Variants in CNTNAP5 observed in about 807,000 individuals in gnomAD.
CNTNAP5 encodes the protein contactin-associated protein-like 5.
Under a neutral mutation model 150.2 loss-of-function variants are expected in CNTNAP5, and 72 were observed. The ratio of observed to expected loss-of-function variants is 0.48; its 90% CI spans 0.40 to 0.58. The LOEUF is 0.58. CNTNAP5 is among the 20% of genes least tolerant of loss of function. The probability of loss-of-function intolerance (pLI) is 0.00; values close to 1 mark genes in which losing one functional copy is unlikely to be tolerated. For synonymous variants in CNTNAP5, 672 were observed against 619.8 expected (o/e 1.08, Z -1.25); for missense variants, 1,636 against 1,626.2 (o/e 1.01, Z -0.10).
At chr2:124,843,308 C>T (rs1277098150) in intron 19 of CNTNAP5, among the ~76,000 whole-genome samples, 1 of 151,774 alleles carries the variant, frequency 6.6e-6, no homozygotes. Context: ...TGGGCTGGTT[C>T]TGTATTTTTG....
intron 18 of CNTNAP5, among the ~76,000 whole-genome samples, chr2:124,792,413 AT>A: frequency 6.6e-6 from 1 of 152,116 alleles, no homozygotes; most frequent in South Asian, 2.1e-4. Flanking sequence ...TTTTTGGTTC[AT>A]TTTTTCTTTA....
chr2:124,384,851 C>T (rs1490359721), intron 3 of CNTNAP5, among the ~76,000 whole-genome samples: 1 of 152,170 alleles, frequency 6.6e-6, no homozygotes, highest in East Asian at 1.9e-4. Context: ...GTGCCAAGCC[C>T]TTTCTTTTGT....
intron 1 of CNTNAP5, among the ~76,000 whole-genome samples, chr2:124,184,651 T>C (rs1573818705): frequency 6.6e-6 from 1 of 152,288 alleles, no homozygotes; most frequent in Admixed American, 6.5e-5. Context: ...GCATTCACCC[T>C]TTGAGTCACA....
chr2:124,793,957 A>G (rs1681790733), intron 18 of CNTNAP5, among the ~76,000 whole-genome samples: 1 of 152,222 alleles, frequency 6.6e-6, no homozygotes, highest in South Asian at 2.1e-4. Context: ...TAAGTACTCA[A>G]AAATAATCAT....
At chr2:124,855,067 A>C (rs1259155798) in intron 19 of CNTNAP5, among the ~76,000 whole-genome samples, 1 of 152,110 alleles carries the variant, frequency 6.6e-6, no homozygotes, top group Non-Finnish European at 1.5e-5. Flanking sequence ...AAGATATAAT[A>C]ATACATACAT....
rs372174485 is a variant in CNTNAP5 at position 124,386,013 on chromosome 2, ATGAG to A, written c.382-31420_382-31417del. ...ACATCGATGTTTGTTGAATGAATTA[ATGAG>A]TGAGTGAGTAAGTGAACTGCCCAGG... On this transcript the variant is annotated intron_variant, in intron 3 of 23. Transcript: ENST00000682447. Among the ~76,000 whole-genome samples, 192 of 152,280 alleles carry A rather than the reference ATGAG, an allele frequency of 1.3e-3. 2 individuals carry two copies. Among genetic ancestry groups the A allele is most frequent in the African/African-American group, 4.4e-3 (184 of 41,558 alleles).
chr2:124,754,669 C>T (rs976949840), intron 14 of CNTNAP5, among the ~76,000 whole-genome samples: 4 of 152,104 alleles, frequency 2.6e-5, no homozygotes, highest in Non-Finnish European at 4.4e-5. Flanking sequence ...GCTAATGTTC[C>T]CATGACTGGG....
chr2:124,146,679 G>A (rs1351519349), intron 1 of CNTNAP5, among the ~76,000 whole-genome samples: 2 of 152,076 alleles, frequency 1.3e-5, no homozygotes, highest in Non-Finnish European at 2.9e-5. Context: ...TAAATAAAGA[G>A]TAGATAAGAA....
intron 1 of CNTNAP5, among the ~76,000 whole-genome samples, chr2:124,139,349 C>A (rs966859051): frequency 6.6e-6 from 1 of 151,882 alleles, no homozygotes; most frequent in Admixed American, 6.6e-5. Flanking sequence ...CACCTTCATA[C>A]CATTGAATAA....
Position 124,652,797 on chromosome 2 carries a change from C to T in CNTNAP5, c.2077+4839C>T, listed in dbSNP as rs1032496836. Among the ~76,000 whole-genome samples the T allele has an allele frequency of 5.3e-5, 8 of 152,114 alleles. No individual in the cohort carries two copies. The East Asian group carries it at 5.8e-4, about 11-fold the overall frequency. On this transcript the variant is annotated intron_variant, in intron 13 of 23. Transcript: ENST00000682447. ...ATTCCGTCATTAGGGTGTCAGTATC[C>T]GGTGTAGGCATCCTCTTGCACTCAC...
chr2:124,031,702 A>T (rs1475463326), intron 1 of CNTNAP5, among the ~76,000 whole-genome samples: 1 of 152,170 alleles, frequency 6.6e-6, no homozygotes. Context: ...GCTTTATGGA[A>T]TTTTAATGAG....
chr2:124,754,289 A>G (rs574965958), intron 14 of CNTNAP5, among the ~76,000 whole-genome samples: 20 of 152,174 alleles, frequency 1.3e-4, no homozygotes, highest in African/African-American at 4.6e-4. Context: ...GGCAATCTCT[A>G]TTGGTTGAAT....
At chr2:124,122,191 C>A (rs538653679) in intron 1 of CNTNAP5, among the ~76,000 whole-genome samples, 4 of 152,078 alleles carry the variant, frequency 2.6e-5, no homozygotes, top group African/African-American at 7.2e-5. Flanking sequence ...GGGAACAATG[C>A]CAGAACCCTA....
At chr2:124,457,182 A>G (rs139429963) in intron 6 of CNTNAP5, among the ~76,000 whole-genome samples, 29 of 152,276 alleles carry the variant, frequency 1.9e-4, no homozygotes, top group African/African-American at 6.7e-4. Context: ...GTCACATCCA[A>G]TGACTATACA....
intron 3 of CNTNAP5, among the ~76,000 whole-genome samples, chr2:124,330,930 T>C (rs980977276): frequency 2.0e-5 from 3 of 152,152 alleles, no homozygotes; most frequent in Non-Finnish European, 4.4e-5. Flanking sequence ...AACCTCTCAT[T>C]AGTTTAGTTC....
rs541611384 is a variant in CNTNAP5, at chr2:124,114,492, C to A, written c.82+88760C>A. Among the ~76,000 whole-genome samples, 223 of 151,972 alleles carry A rather than the reference C, an allele frequency of 1.5e-3. 1 individual carries two copies. Among genetic ancestry groups the A allele is most frequent in the Admixed American group, 2.8e-3 (42 of 15,268 alleles). ...GACCTTGATTCATCAGCCTTGCTAA[C>A]CTCATGAATCCTAATAATTTATTTA... On this transcript the variant is annotated intron_variant, in intron 1 of 23. Coordinates refer to ENST00000682447, the MANE Select transcript of CNTNAP5 (RefSeq NM_001367498.1).
At chr2:124,721,923 T>C (rs1159248408) in intron 13 of CNTNAP5, among the ~76,000 whole-genome samples, 1 of 152,096 alleles carries the variant, frequency 6.6e-6, no homozygotes, top group Non-Finnish European at 1.5e-5. Flanking sequence ...CCCCTGAGTG[T>C]GCAGATGCCT....
chr2:124,894,462 C>T (rs749587317), intron 21 of CNTNAP5, among the ~76,000 whole-genome samples: 1 of 151,368 alleles, frequency 6.6e-6, no homozygotes, highest in Non-Finnish European at 1.5e-5. Flanking sequence ...TAATGAACAA[C>T]CTAGGAGGAA....
intron 13 of CNTNAP5, among the ~76,000 whole-genome samples, chr2:124,711,266 A>G (rs60609014): frequency 0.16 from 24,614 of 151,904 alleles, 2,240 homozygotes; most frequent in East Asian, 0.24. Flanking sequence ...GTGAGATCCC[A>G]TCTCAAAAAT....
Sources: allele counts gnomAD v4.1 joint callset (sites outside exome capture counted in the v4.1 genomes callset), GRCh38; gene constraint gnomAD v4.1.1; transcripts MANE v1.5; gene names NCBI Gene and HGNC (gene_info 2026-07-23, HGNC 2026-07-21).